The following ZNF700 variants were observed in gnomAD, a reference collection of about 807,000 sequenced individuals.
ZNF700 encodes the protein zinc finger protein 700.
ZNF700 carries 38 observed loss-of-function variants against 65.3 expected under a neutral mutation model. The observed-to-expected ratio is 0.58, with a 90% CI of 0.45 to 0.76. The LOEUF (loss-of-function observed/expected upper bound fraction) is 0.76, where lower values mean the gene tolerates loss of function less well. Among genes scored for constraint, ZNF700 ranks in the 30% least tolerant of loss-of-function variants. The pLI is 0.00. For missense variants in ZNF700, 857 were observed against 888.4 expected (o/e 0.96, Z 0.45); for synonymous variants, 285 against 290.4 (o/e 0.98, Z 0.19).
In ZNF700 at chr19:11,949,386, C is replaced by G; in HGVS notation, c.1362C>G (p.Ala454=). 6.2e-7 allele frequency: 1 copy of G among 1,613,674 alleles called. No homozygotes were observed. ...KPYECKECGK[A]FRSTSHLRVH... is the part of the protein sequence containing the mutation. The stretch of plus-strand genomic sequence containing the variant: ...ATGAATGTAAGGAATGTGGGAAAGC[C>G]TTCAGATCTACCTCACACCTTCGAG... Residue 454 remains alanine (A), a synonymous_variant, in exon 4 of 4, where the codon GCC becomes GCG. Transcript: ENST00000254321.
Position 11,948,361 on chromosome 19 carries a change from A to G in ZNF700, c.337A>G (p.Asn113Asp). 2 of 1,613,992 alleles carry G rather than the reference A, an allele frequency of 1.2e-6. No homozygotes were observed. The highest frequency in any genetic ancestry group is 2.2e-5 in the South Asian group (2 of 91,080). Residue 113 changes from asparagine to aspartate, a missense_variant, in exon 4 of 4, where the codon AAC becomes GAC. Transcript: ENST00000254321. ...TACCCAGGTTCCAGATGACAGACTG[A>G]ACTTCCAGGAGAAGAAAGCTTCTCC... Reference protein sequence around the residue: ...TFTQVPDDRLNFQEKKASPEV... With the variant: ...TFTQVPDDRLDFQEKKASPEV...
chr19:11,925,165 G>A lies in ZNF700; in HGVS notation c.-46G>A, dbSNP rs772980399. 6.2e-7 allele frequency: 1 copy of A among 1,607,722 alleles called. No homozygotes were observed. The highest frequency in any genetic ancestry group is 1.3e-5 in the African/African-American group (1 of 74,714). On this transcript the variant is annotated 5_prime_UTR_variant, in exon 1 of 4. Transcript: ENST00000254321. ...TAACCGGTCAGACCAGCCCGAGAGG[G>A]ACCTGGTGCCTGTACCCAGGCTTCT...
intron 1 of ZNF700, among the ~76,000 whole-genome samples, chr19:11,940,295 G>A (rs1053188126): frequency 7.2e-5 from 11 of 152,176 alleles, no homozygotes; most frequent in Non-Finnish European, 1.3e-4. Context: ...TGGGTTCTTG[G>A]TGTCACTGAC....
At position 11,950,284 on chromosome 19, in the gene ZNF700, C is replaced by T. The variant is rs1973046580; in HGVS notation, c.*31C>T. On this transcript the variant is annotated 3_prime_UTR_variant, in exon 4 of 4. Coordinates refer to ENST00000254321, the MANE Select transcript of ZNF700 (RefSeq NM_144566.3). ...TTCCTTTTATGGACATGAATAGACT[C>T]ACACTGGAAGGAAGCACTATGAATG... 4.4e-6 allele frequency: 7 copies of T among 1,585,050 alleles called. No homozygotes were observed. The highest frequency in any genetic ancestry group is 6.0e-6 in the Non-Finnish European group (7 of 1,168,456).
At chr19:11,943,316 C>G (rs1972913468) in intron 1 of ZNF700, among the ~76,000 whole-genome samples, 1 of 152,114 alleles carries the variant, frequency 6.6e-6, no homozygotes, top group Non-Finnish European at 1.5e-5. Flanking sequence ...CCATAGACCC[C>G]TCCTTTAGCT....
intron 1 of ZNF700, among the ~76,000 whole-genome samples, chr19:11,942,233 C>G (rs934959412): frequency 6.6e-6 from 1 of 151,066 alleles, no homozygotes; most frequent in Non-Finnish European, 1.5e-5. Flanking sequence ...GGGCTTTCCC[C>G]TGGACTTCCC....
Position 11,949,643 on chromosome 19 carries a change from A to T in ZNF700, c.1619A>T (p.Gln540Leu). 1.2e-6 allele frequency: 2 copies of T among 1,613,952 alleles called. No individual in the cohort carries two copies. Among genetic ancestry groups the T allele is most frequent in the South Asian group, 2.2e-5 (2 of 91,052 alleles). The change falls in exon 4 of 4, where the codon CAA (glutamine) becomes CTA (leucine). Residue 540 changes from glutamine (Q) to leucine (L), a missense_variant. Physicochemically the swap from Gln to Leu is moderately radical, Grantham distance 113. Transcript: ENST00000254321. ...HTGEKPYECN[Q>L]CGKAFRCCNS... ...GGAGAGAAACCCTATGAATGCAACC[A>T]ATGTGGTAAAGCCTTCAGATGTTGC... is the stretch of plus-strand genomic sequence containing the variant.
At chr19:11,926,210 A>T (rs1972624919) in intron 1 of ZNF700, among the ~76,000 whole-genome samples, 1 of 152,100 alleles carries the variant, frequency 6.6e-6, no homozygotes. Flanking sequence ...TTTGTTTGTA[A>T]GTTAGTATCT....
At position 11,932,096 on chromosome 19, in the gene ZNF700, C is replaced by G. The variant is rs1049619974; in HGVS notation, c.63+6823C>G. Among the ~76,000 whole-genome samples, 2 of 146,898 alleles carry G rather than the reference C, an allele frequency of 1.4e-5. 1 individual carries two copies. Among genetic ancestry groups the G allele is most frequent in the African/African-American group, 5.4e-5 (2 of 37,068 alleles). On this transcript the variant is annotated intron_variant, in intron 1 of 3. Transcript: ENST00000254321. ...CAAGATCGTGCCATTGCACTTCAGC[C>G]CAGGCAGCAAGAGTGAAACTTTGTC... is the stretch of plus-strand genomic sequence containing the variant.
intron 1 of ZNF700, among the ~76,000 whole-genome samples, chr19:11,945,002 T>A (rs1220355681): frequency 6.6e-6 from 1 of 152,234 alleles, no homozygotes; most frequent in Non-Finnish European, 1.5e-5. Flanking sequence ...CTGGAGAAAG[T>A]CCTTTTCTTC....
At chr19:11,938,583 C>T (rs1479817278) in intron 1 of ZNF700, among the ~76,000 whole-genome samples, 1 of 152,198 alleles carries the variant, frequency 6.6e-6, no homozygotes, top group Non-Finnish European at 1.5e-5. Context: ...TTTGTGGCTG[C>T]ATAGTATTCC....
intron 1 of ZNF700, among the ~76,000 whole-genome samples, chr19:11,941,165 T>G (rs1166565467): frequency 6.6e-6 from 1 of 152,240 alleles, no homozygotes; most frequent in Non-Finnish European, 1.5e-5. Context: ...TTGGTGCATT[T>G]ACAATCCCTG....
At chr19:11,944,608 T>C (rs1342191740) in intron 1 of ZNF700, among the ~76,000 whole-genome samples, 1 of 152,242 alleles carries the variant, frequency 6.6e-6, no homozygotes, top group African/African-American at 2.4e-5. Flanking sequence ...CAGTTCGCGT[T>C]GGATAAGCTT....
intron 1 of ZNF700, among the ~76,000 whole-genome samples, chr19:11,935,229 TC>T (rs1490038614): frequency 7.2e-6 from 1 of 139,412 alleles, no homozygotes; most frequent in Non-Finnish European, 1.5e-5. Context: ...CTTGGAAAGA[TC>T]TTGTTTTTTT....
chr19:11,947,241 G>A lies in ZNF700; in HGVS notation c.124G>A (p.Asp42Asn). 1 of 1,614,048 alleles carries A rather than the reference G, an allele frequency of 6.2e-7. No homozygotes were observed. The highest frequency in any genetic ancestry group is 8.5e-7 in the Non-Finnish European group (1 of 1,179,988). ...NFTQEEWTLLDISQKNLFREV... is the reference protein window; with the variant it reads ...NFTQEEWTLLNISQKNLFREV... ...CACCCAGGAAGAGTGGACATTGCTG[G>A]ATATTTCCCAGAAGAATCTCTTCAG... The change falls in exon 2 of 4, where the codon GAT (aspartate) becomes AAT (asparagine). Residue 42 changes from aspartate (D) to asparagine (N), a missense_variant. By Grantham distance (23) the Asp-to-Asn change is conservative. Coordinates refer to ENST00000254321, the MANE Select transcript of ZNF700 (RefSeq NM_144566.3).
At chr19:11,936,785 T>A (rs542981006) in intron 1 of ZNF700, among the ~76,000 whole-genome samples, 100 of 152,326 alleles carry the variant, frequency 6.6e-4, no homozygotes, top group Non-Finnish European at 1.2e-3. Context: ...CTGAATGGTA[T>A]TGCCTAGGTT....
At chr19:11,934,986 G>C (rs903963975) in intron 1 of ZNF700, among the ~76,000 whole-genome samples, 4 of 146,468 alleles carry the variant, frequency 2.7e-5, no homozygotes, top group Non-Finnish European at 5.9e-5. Flanking sequence ...GACCATCCTG[G>C]CTAACACTGT....
chr19:11,934,486 G>T (rs1028720459), intron 1 of ZNF700, among the ~76,000 whole-genome samples: 3 of 148,204 alleles, frequency 2.0e-5, no homozygotes, highest in Non-Finnish European at 4.4e-5. Flanking sequence ...GGTATTTGCT[G>T]CTGCCTCATT....
At chr19:11,936,558 G>GT (rs1161459513) in intron 1 of ZNF700, among the ~76,000 whole-genome samples, 1 of 152,084 alleles carries the variant, frequency 6.6e-6, no homozygotes, top group Non-Finnish European at 1.5e-5. Flanking sequence ...TTGTAAGTTT[G>GT]TTTGAGTTCC....
Sources: allele counts gnomAD v4.1 joint callset (sites outside exome capture counted in the v4.1 genomes callset), GRCh38; gene constraint gnomAD v4.1.1; transcripts MANE v1.5; gene names NCBI Gene and HGNC (gene_info 2026-07-23, HGNC 2026-07-21).